MTUS1: variants seen among roughly 807,000 people sequenced by gnomAD.
MTUS1 encodes the protein microtubule-associated tumor suppressor 1.
Under a neutral mutation model 120.8 loss-of-function variants are expected in MTUS1, and 109 were observed. The observed-to-expected ratio is 0.90, with a 90% CI of 0.77 to 1.06. The LOEUF is 1.06. MTUS1 is among the 50% of genes least tolerant of loss of function. The probability of loss-of-function intolerance (pLI) is 0.00; values close to 1 mark genes in which losing one functional copy is unlikely to be tolerated. For synonymous variants in MTUS1, 737 were observed against 550.5 expected (o/e 1.34, Z -4.74); for missense variants, 2,210 against 1,486.3 (o/e 1.49, Z -8.01).
intron 8 of MTUS1, among the ~76,000 whole-genome samples, chr8:17,658,898 G>C (rs774331627): frequency 5.9e-5 from 9 of 151,994 alleles, no homozygotes; most frequent in Non-Finnish European, 8.8e-5. Flanking sequence ...CAGGAATAGT[G>C]TCTGCCAAAG....
chr8:17,661,145 G>GCTT (rs1809601357), intron 8 of MTUS1, among the ~76,000 whole-genome samples: 1 of 152,110 alleles, frequency 6.6e-6, no homozygotes, highest in Non-Finnish European at 1.5e-5. Flanking sequence ...CACTGCATTA[G>GCTT]CTTCTGCCAA....
intron 2 of MTUS1, among the ~76,000 whole-genome samples, chr8:17,749,493 T>C (rs1047155978): frequency 2.6e-5 from 4 of 151,572 alleles, no homozygotes; most frequent in Non-Finnish European, 4.4e-5. Flanking sequence ...AGCCAGTCTC[T>C]ACTAAAAATA....
rs2048537232 is a variant in MTUS1 at position 17,755,438 on chromosome 8, G to C, written c.370C>G (p.Leu124Val). 2 of 1,614,188 alleles carry C rather than the reference G, an allele frequency of 1.2e-6. No individual in the cohort carries two copies. Among genetic ancestry groups the C allele is most frequent in the South Asian group, 1.1e-5 (1 of 91,084 alleles). ...PKYLQHSCHSLEAVEGQSVEP... is the reference protein window; with the variant it reads ...PKYLQHSCHSVEAVEGQSVEP... ...ACACTCTGGCCCTCAACTGCTTCTAGGGAATGACAACTGTGTTGCAGATAT... is the reference window on the plus strand; with the variant it reads ...ACACTCTGGCCCTCAACTGCTTCTACGGAATGACAACTGTGTTGCAGATAT... The change falls in exon 2 of 15, where the codon CTA (leucine) becomes GTA (valine). Residue 124 changes from leucine (L) to valine (V), a missense_variant. By Grantham distance (32) the Leu-to-Val change is conservative (BLOSUM62 1). Coordinates refer to ENST00000693296, the MANE Select transcript of MTUS1 (RefSeq NM_001363059.2).
At chr8:17,786,526 T>C (rs1158721139) in intron 1 of MTUS1, among the ~76,000 whole-genome samples, 1 of 150,058 alleles carries the variant, frequency 6.7e-6, no homozygotes, top group East Asian at 2.0e-4. Context: ...CTCAAGGAGA[T>C]ATTTATCTGC....
At chr8:17,655,132 G>C (rs891013746) in intron 9 of MTUS1, 1 of 159,482 alleles carries the variant, frequency 6.3e-6, no homozygotes, top group African/African-American at 2.4e-5. Context: ...CCTGTCACTT[G>C]ACCACTCAGG....
chr8:17,690,373 G>C (rs150184836), intron 6 of MTUS1, among the ~76,000 whole-genome samples: 197 of 152,250 alleles, frequency 1.3e-3, no homozygotes, highest in Non-Finnish European at 2.5e-3. Context: ...TTACCAAAAA[G>C]TCAAAAAACC....
intron 3 of MTUS1, among the ~76,000 whole-genome samples, chr8:17,728,123 T>C (rs1012557921): frequency 4.6e-5 from 7 of 152,184 alleles, no homozygotes; most frequent in Non-Finnish European, 1.0e-4. Context: ...AATGGTAGAA[T>C]GGCGCTTGCC....
intron 7 of MTUS1, among the ~76,000 whole-genome samples, chr8:17,681,937 A>G (rs999169618): frequency 3.9e-5 from 6 of 152,210 alleles, no homozygotes; most frequent in Non-Finnish European, 8.8e-5. Flanking sequence ...ATTCAATATA[A>G]AAGTTGTTAA....
rs540273644 is a variant in MTUS1, at chr8:17,798,619, A to T, written c.-155+2442T>A. ...AGTGCTGGGATTAGAGGCGTGAGCC[A>T]CCGCACCCGGCTGGAAAATTTTTTT... is the stretch of plus-strand genomic sequence containing the variant. On this transcript the variant is annotated intron_variant, in intron 1 of 14. Coordinates refer to ENST00000693296, the MANE Select transcript of MTUS1 (RefSeq NM_001363059.2). 3.3e-3 allele frequency among the ~76,000 whole-genome samples: 500 copies of T among 152,328 alleles called. 6 individuals are homozygous for T. The highest frequency in any genetic ancestry group is 0.01 in the Middle Eastern group (3 of 294).
At chr8:17,789,774 G>A (rs1470283045) in intron 1 of MTUS1, among the ~76,000 whole-genome samples, 1 of 152,138 alleles carries the variant, frequency 6.6e-6, no homozygotes, top group African/African-American at 2.4e-5. Context: ...GCAGCCCAAC[G>A]ATAGCCAACC....
chr8:17,734,610 T>C (rs2046807203), intron 3 of MTUS1, among the ~76,000 whole-genome samples: 1 of 152,066 alleles, frequency 6.6e-6, no homozygotes, highest in Non-Finnish European at 1.5e-5. Context: ...ACTGCCTTAG[T>C]CACAGGCCTG....
chr8:17,755,468 G>C lies in MTUS1; in HGVS notation c.340C>G (p.Pro114Ala). The C allele has an allele frequency of 6.2e-7, 1 of 1,614,164 alleles. No individual in the cohort carries two copies. The highest frequency in any genetic ancestry group is 1.3e-5 in the African/African-American group (1 of 75,056). Residue 114 changes from proline to alanine, a missense_variant, in exon 2 of 15, where the codon CCC becomes GCC. Physicochemically the swap from Pro to Ala is conservative, Grantham distance 27. Transcript: ENST00000693296. Reference sequence around the variant, plus strand: ...TGACAACTGTGTTGCAGATATTTGGGCTTCTCAGTACCTACAAGTGCAGGA... The same window carrying C: ...TGACAACTGTGTTGCAGATATTTGGCCTTCTCAGTACCTACAAGTGCAGGA... The part of the protein sequence containing the change: ...QCPALVGTEK[P>A]KYLQHSCHSL...
intron 3 of MTUS1, among the ~76,000 whole-genome samples, chr8:17,729,997 A>T (rs2131165088): frequency 6.6e-6 from 1 of 151,838 alleles, no homozygotes; most frequent in Non-Finnish European, 1.5e-5. Context: ...AAAAAAAAAA[A>T]AAAAAAGCAA....
At chr8:17,748,187 G>C (rs927486753) in intron 2 of MTUS1, 3 of 152,232 alleles carry the variant, frequency 2.0e-5, no homozygotes, top group Non-Finnish European at 4.4e-5. Context: ...GGTCAGGCCT[G>C]GTTAGTACTT....
At chr8:17,655,829 G>T in intron 9 of MTUS1, 34 bp downstream of exon 9, 1 of 1,591,058 alleles carries the variant, frequency 6.3e-7, no homozygotes, top group Non-Finnish European at 8.6e-7. Flanking sequence ...AGCAGCAGAG[G>T]CCTCAGACAA....
upstream of MTUS1, among the ~76,000 whole-genome samples, chr8:17,801,184 G>A (rs1009242620): frequency 1.3e-5 from 2 of 151,662 alleles, no homozygotes; most frequent in Middle Eastern, 3.4e-3. Flanking sequence ...GTCTGCACCT[G>A]GGGGCGCGCG....
At chr8:17,748,806 C>T (rs2047966056) in intron 2 of MTUS1, among the ~76,000 whole-genome samples, 1 of 152,232 alleles carries the variant, frequency 6.6e-6, no homozygotes, top group Admixed American at 6.5e-5. Context: ...TTACCCACTG[C>T]ACTAGGCACT....
chr8:17,674,740 C>A lies in MTUS1; in HGVS notation c.2905+446G>T, dbSNP rs920888557. 26 of 993,226 alleles carry A rather than the reference C, an allele frequency of 2.6e-5. No individual in the cohort carries two copies. In the African/African-American group the frequency reaches 4.2e-4, roughly 16 times the overall value. 61.5% of individuals were successfully genotyped at this position (993,226 alleles called of 1,614,324 possible). The stretch of plus-strand genomic sequence containing the variant: ...GAACGTGCCTTTTTCAGCCAAGTTG[C>A]CTTCATGGACAGCATCCTTTCAACT... On this transcript the variant is annotated intron_variant, in intron 8 of 14. Coordinates refer to ENST00000693296, the MANE Select transcript of MTUS1 (RefSeq NM_001363059.2).
At position 17,739,406 on chromosome 8, in the gene MTUS1, T is replaced by C. The variant is rs1210609742; in HGVS notation, c.2287+4198A>G. On this transcript the variant is annotated intron_variant, in intron 3 of 14. Coordinates refer to ENST00000693296, the MANE Select transcript of MTUS1 (RefSeq NM_001363059.2). ...TACTCGGGAGGCTGAGGCAGGAGAA[T>C]TGCTTGAACCAGGGAAGGGGAGGTT... is the stretch of plus-strand genomic sequence containing the variant. 3.9e-5 allele frequency among the ~76,000 whole-genome samples: 6 copies of C among 151,922 alleles called. No homozygotes were observed. The South Asian group carries it at 6.2e-4, about 16-fold the overall frequency.
Sources: gnomAD v4.1 joint callset for allele counts (sites outside exome capture counted in the v4.1 genomes callset) on GRCh38, gnomAD v4.1.1 for gene constraint, MANE v1.5 for transcripts, NCBI Gene and HGNC (gene_info 2026-07-23, HGNC 2026-07-21) for gene names.